The following HHAT variants were observed in gnomAD, a reference collection of about 807,000 sequenced individuals.
The protein encoded by HHAT is protein-cysteine N-palmitoyltransferase HHAT.
HHAT carries 47 observed loss-of-function variants against 70.8 expected under a neutral mutation model. The ratio of observed to expected loss-of-function variants is 0.66; its 90% CI spans 0.53 to 0.85. The LOEUF is 0.85. HHAT is among the 40% of genes least tolerant of loss of function. HHAT has a pLI of 0.00. For missense variants in HHAT, 609 were observed against 604.8 expected, an observed-to-expected ratio of 1.01 and a Z score of -0.07; for synonymous variants, 228 against 247.6, an observed-to-expected ratio of 0.92 and a Z score of 0.74.
rs75892236 is a variant in HHAT at position 210,607,979 on chromosome 1, C to T, written c.1246-15547C>T. Among the ~76,000 whole-genome samples the T allele has an allele frequency of 1.8e-3, 269 of 152,314 alleles. 1 individual carries two copies. Among genetic ancestry groups the T allele is most frequent in the African/African-American group, 6.3e-3 (260 of 41,566 alleles). On this transcript the variant is annotated intron_variant, in intron 10 of 11. Transcript: ENST00000261458. ...ATATTCTAAAATTTGCACTTCTTTT[C>T]ACCCTCACTGATATGTTGTGAAGAT...
intron 10 of HHAT, among the ~76,000 whole-genome samples, chr1:210,615,074 T>C (rs1227363778): frequency 2.6e-5 from 4 of 152,186 alleles, no homozygotes; most frequent in Admixed American, 6.5e-5. Flanking sequence ...CCAGCACCTA[T>C]TGTTTCCTGA....
chr1:210,657,344 T>C (rs1303428306), intron 11 of HHAT, among the ~76,000 whole-genome samples: 1 of 152,218 alleles, frequency 6.6e-6, no homozygotes, highest in Non-Finnish European at 1.5e-5. Context: ...TACCTCCAGC[T>C]TTCAACCAGT....
intron 2 of HHAT, among the ~76,000 whole-genome samples, chr1:210,350,111 CT>C (rs2086884240): frequency 6.6e-6 from 1 of 151,764 alleles, no homozygotes; most frequent in African/African-American, 2.4e-5. Context: ...AGTCTTCTAA[CT>C]GTTATTTGTG....
intron 8 of HHAT, among the ~76,000 whole-genome samples, chr1:210,475,460 A>G (rs1000420883): frequency 4.6e-4 from 70 of 152,322 alleles, no homozygotes; most frequent in Admixed American, 4.3e-3. Flanking sequence ...GGTTTATCAG[A>G]GTCCTAACCA....
At chr1:210,403,784 C>T (rs1378626880) in intron 5 of HHAT, among the ~76,000 whole-genome samples, 1 of 152,096 alleles carries the variant, frequency 6.6e-6, no homozygotes, top group Admixed American at 6.5e-5. Flanking sequence ...ATTTTACTCC[C>T]CGATATTAAC....
At chr1:210,560,814 T>TAAAAAA (rs60192211) in intron 9 of HHAT, among the ~76,000 whole-genome samples, 7 of 28,512 alleles carry the variant, frequency 2.5e-4, no homozygotes, top group Non-Finnish European at 3.8e-4. Context: ...CCCTGTGTCT[T>TAAAAAA]AAAAAAAAAA....
chr1:210,374,035 T>C (rs1205943020), intron 3 of HHAT: 2 of 152,184 alleles, frequency 1.3e-5, no homozygotes, highest in Non-Finnish European at 2.9e-5. Context: ...AAAACAAGAG[T>C]TAACTGTCTT....
intron 9 of HHAT, among the ~76,000 whole-genome samples, chr1:210,587,106 T>C (rs931015771): frequency 6.6e-6 from 1 of 152,234 alleles, no homozygotes; most frequent in Non-Finnish European, 1.5e-5. Flanking sequence ...ATTTAAATAA[T>C]GGGTTTACCA....
chr1:210,494,807 C>T (rs1271494473), intron 8 of HHAT, among the ~76,000 whole-genome samples: 1 of 152,072 alleles, frequency 6.6e-6, no homozygotes, highest in African/African-American at 2.4e-5. Context: ...CCTGCCTCTG[C>T]TCCCAAAGTG....
chr1:210,638,019 G>A (rs531338574), intron 11 of HHAT, among the ~76,000 whole-genome samples: 2 of 152,176 alleles, frequency 1.3e-5, no homozygotes, highest in Non-Finnish European at 2.9e-5. Flanking sequence ...CTACTCAGAT[G>A]GCTATAATAA....
intron 10 of HHAT, among the ~76,000 whole-genome samples, chr1:210,599,013 A>T (rs4565714): frequency 0.031 from 4,752 of 152,122 alleles, 266 homozygotes; most frequent in African/African-American, 0.11. Context: ...AGAGCTGAAC[A>T]TTCACGCAAA....
Position 210,613,178 on chromosome 1 carries a change from A to G in HHAT, c.1246-10348A>G, listed in dbSNP as rs144614840. ...CTTTTTGTGTCATAGCCAAGAAATC[A>G]TTGCTAAATCCAATGTCATGAAGGT... On this transcript the variant is annotated intron_variant, in intron 10 of 11. Transcript: ENST00000261458. Among the ~76,000 whole-genome samples the G allele has an allele frequency of 3.9e-5, 6 of 152,130 alleles. 1 individual carries two copies. The highest frequency in any genetic ancestry group is 4.1e-4 in the South Asian group (2 of 4,828).
chr1:210,507,424 A>T (rs923120725), intron 8 of HHAT, among the ~76,000 whole-genome samples: 1 of 142,580 alleles, frequency 7.0e-6, no homozygotes, highest in African/African-American at 2.6e-5. Flanking sequence ...GCAGTGGTGC[A>T]ATCTCGGCTC....
At chr1:210,602,818 G>A (rs1297556442) in intron 10 of HHAT, among the ~76,000 whole-genome samples, 1 of 151,996 alleles carries the variant, frequency 6.6e-6, no homozygotes, top group African/African-American at 2.4e-5. Flanking sequence ...CCACTCCTAA[G>A]GATCATTAGC....
At chr1:210,654,097 A>G (rs61827428) in intron 11 of HHAT, among the ~76,000 whole-genome samples, 5 of 18,542 alleles carry the variant, frequency 2.7e-4, no homozygotes, top group African/African-American at 5.2e-4. Flanking sequence ...TGTGACAGGA[A>G]TAGTGTGACA....
chr1:210,657,598 A>G (rs1418629026), intron 11 of HHAT, among the ~76,000 whole-genome samples: 1 of 152,250 alleles, frequency 6.6e-6, no homozygotes, highest in Non-Finnish European at 1.5e-5. Context: ...CAAGTAATTT[A>G]GAATTCTTTA....
intron 11 of HHAT, among the ~76,000 whole-genome samples, chr1:210,635,196 G>A (rs1192820267): frequency 6.6e-6 from 1 of 152,150 alleles, no homozygotes; most frequent in Non-Finnish European, 1.5e-5. Flanking sequence ...CTCGGGGGAT[G>A]GGGCACAGCC....
At chr1:210,508,977 G>A (rs1441251322) in intron 8 of HHAT, among the ~76,000 whole-genome samples, 1 of 152,172 alleles carries the variant, frequency 6.6e-6, no homozygotes, top group Non-Finnish European at 1.5e-5. Flanking sequence ...TTGAGATTAG[G>A]TTGTGGACAT....
intron 9 of HHAT, among the ~76,000 whole-genome samples, chr1:210,527,424 T>C (rs2095263958): frequency 6.6e-6 from 1 of 152,186 alleles, no homozygotes; most frequent in African/African-American, 2.4e-5. Context: ...GTAATACCTA[T>C]TTCACAGGAG....
Sources: allele counts gnomAD v4.1 joint callset (sites outside exome capture counted in the v4.1 genomes callset), GRCh38; gene constraint gnomAD v4.1.1; transcripts MANE v1.5; gene names NCBI Gene and HGNC (gene_info 2026-07-23, HGNC 2026-07-21).